PLS1: variants seen among roughly 807,000 people sequenced by gnomAD.
PLS1 encodes plastin 1, also known as plastin-1.
A neutral mutation model predicts 73.7 loss-of-function variants in PLS1; 32 were observed. The ratio of observed to expected loss-of-function variants is 0.43; its 90% CI spans 0.33 to 0.58. PLS1 has a LOEUF of 0.58. Ranked by LOEUF, PLS1 falls within the 20% of genes least tolerant of loss-of-function variation. The probability of loss-of-function intolerance (pLI) is 0.04; values close to 1 mark genes in which losing one functional copy is unlikely to be tolerated. For missense variants in PLS1, 633 were observed against 740.5 expected, an observed-to-expected ratio of 0.85 and a Z score of 1.68; for synonymous variants, 217 against 261.3, an observed-to-expected ratio of 0.83 and a Z score of 1.63.
In PLS1 at chr3:142,689,761, C is replaced by T. The variant is rs761991917; in HGVS notation, c.1125C>T (p.Tyr375=). The change falls in exon 10 of 16, where the codon TAC becomes TAT. Residue 375 remains tyrosine (Y), a synonymous_variant. Coordinates refer to ENST00000457734, the MANE Select transcript of PLS1 (RefSeq NM_001145319.2). ...TTGTAGCTAATTTGTTTAACACATA[C>T]CCGTGCCTGCACAAGCCGAATAATA... ...LAFVANLFNT[Y]PCLHKPNNND... is the part of the protein sequence containing the mutation. The T allele has an allele frequency of 6.2e-7, 1 of 1,608,076 alleles. No individual in the cohort carries two copies. The highest frequency in any genetic ancestry group is 1.1e-5 in the South Asian group (1 of 90,002).
Position 142,684,190 on chromosome 3 carries a change from T to C in PLS1, c.745+19T>C. 2 of 1,613,876 alleles carry C rather than the reference T, an allele frequency of 1.2e-6. No homozygotes were observed. Among genetic ancestry groups the C allele is most frequent in the East Asian group, 4.5e-5 (2 of 44,888 alleles). On this transcript the variant is annotated intron_variant, in intron 7 of 15. Transcript: ENST00000457734. ...AATGAAGGTAAGATCATTAGAAATA[T>C]TTGCTGTTCATTGACATGTACTTGC...
chr3:142,621,057 C>T (rs979706757), intron 1 of PLS1, among the ~76,000 whole-genome samples: 2 of 152,074 alleles, frequency 1.3e-5, no homozygotes, highest in East Asian at 1.9e-4. Context: ...ACAAGAACTG[C>T]ACCATACACT....
rs1046773419 is a variant in PLS1 at position 142,711,781 on chromosome 3, T to C, written c.1755-91T>C. The C allele has an allele frequency of 3.4e-6, 5 of 1,462,844 alleles. No individual in the cohort carries two copies. The Admixed American group carries it at 9.1e-5, about 27-fold the overall frequency. The allele number at this position is 1,462,844 out of a possible 1,614,324, so 90.6% of individuals were successfully genotyped here. On this transcript the variant is annotated intron_variant, in intron 15 of 15. Coordinates refer to ENST00000457734, the MANE Select transcript of PLS1 (RefSeq NM_001145319.2). ...CACAAACTTAACCTTTTCGTAAAAC[T>C]AATCTTGTCAAAATATTTCACTCTT...
chr3:142,616,922 C>T (rs1303092601), intron 1 of PLS1, among the ~76,000 whole-genome samples: 1 of 151,976 alleles, frequency 6.6e-6, no homozygotes, highest in Non-Finnish European at 1.5e-5. Flanking sequence ...TTATTTATGT[C>T]CTTCATATTC....
chr3:142,601,825 T>C (rs941996495), intron 1 of PLS1, among the ~76,000 whole-genome samples: 2 of 152,180 alleles, frequency 1.3e-5, no homozygotes, highest in African/African-American at 4.8e-5. Context: ...CCTACCCTCA[T>C]TTTCTAGATG....
intron 1 of PLS1, among the ~76,000 whole-genome samples, chr3:142,621,791 G>A (rs910181147): frequency 6.6e-6 from 1 of 151,504 alleles, no homozygotes; most frequent in African/African-American, 2.5e-5. Context: ...CAGATAATTG[G>A]TTTTTCCTGT....
At chr3:142,635,488 A>C (rs1278042624) in intron 1 of PLS1, among the ~76,000 whole-genome samples, 2 of 151,758 alleles carry the variant, frequency 1.3e-5, no homozygotes, top group African/African-American at 4.8e-5. Context: ...CTGCAGTCCC[A>C]GCTACTCAGG....
intron 4 of PLS1, 139 bp from the exon 5 acceptor site, chr3:142,676,018 A>T: frequency 1.4e-6 from 1 of 702,080 alleles, no homozygotes; most frequent in Non-Finnish European, 2.3e-6. Flanking sequence ...GTGTTTTAGT[A>T]GATTTGTAAT....
chr3:142,678,893 T>C (rs1342122561), intron 6 of PLS1, among the ~76,000 whole-genome samples: 1 of 151,996 alleles, frequency 6.6e-6, no homozygotes, highest in Non-Finnish European at 1.5e-5. Flanking sequence ...CCACCAACAG[T>C]GTAAAAGTGT....
intron 1 of PLS1, among the ~76,000 whole-genome samples, chr3:142,660,134 C>G (rs986227516): frequency 1.3e-5 from 2 of 152,016 alleles, no homozygotes; most frequent in African/African-American, 4.8e-5. Context: ...AATCTAAAAC[C>G]CTTCTTAGAA....
chr3:142,686,040 G>T lies in PLS1; in HGVS notation c.889-244G>T, dbSNP rs114136463. On this transcript the variant is annotated intron_variant, in intron 8 of 15. Transcript: ENST00000457734. ...GTGTGTAAACAGATGGAAAAGTAAG[G>T]GAGGGTATCCAGGTGCAGGAAACAG... is the stretch of plus-strand genomic sequence containing the variant. Among the ~76,000 whole-genome samples, 99 of 152,266 alleles carry T rather than the reference G, an allele frequency of 6.5e-4. 2 individuals carry two copies. Among genetic ancestry groups the T allele is most frequent in the African/African-American group, 2.3e-3 (95 of 41,550 alleles).
chr3:142,698,113 G>T, intron 12 of PLS1, 46 bp downstream of exon 12: 1 of 1,107,026 alleles, frequency 9.0e-7, no homozygotes, highest in South Asian at 1.3e-5. Context: ...GTTCTGATAT[G>T]AAACAAAGAA....
intron 1 of PLS1, among the ~76,000 whole-genome samples, chr3:142,649,228 T>C (rs905985091): frequency 6.7e-6 from 1 of 149,894 alleles, no homozygotes; most frequent in Non-Finnish European, 1.5e-5. Context: ...TAGTCCCAGC[T>C]ACTCGGGAGG....
intron 10 of PLS1, among the ~76,000 whole-genome samples, chr3:142,690,824 C>T (rs1009863104): frequency 6.6e-6 from 1 of 151,892 alleles, no homozygotes; most frequent in African/African-American, 2.4e-5. Flanking sequence ...TCTTTTTTTC[C>T]CACTCTCATA....
intron 4 of PLS1, among the ~76,000 whole-genome samples, chr3:142,671,884 T>C (rs1409233391): frequency 6.6e-6 from 1 of 152,204 alleles, no homozygotes; most frequent in African/African-American, 2.4e-5. Flanking sequence ...CTAATTGGAT[T>C]TTCCTCTAGC....
rs544884149 is a variant in PLS1, at chr3:142,682,296, G to A, written c.580-1710G>A. Reference sequence around the variant, plus strand: ...AGAGTTAATGGGTCTTTTAGGTAGCGCCTGCAGTGAAAAATCAGACCTTTT... The same window carrying A: ...AGAGTTAATGGGTCTTTTAGGTAGCACCTGCAGTGAAAAATCAGACCTTTT... On this transcript the variant is annotated intron_variant, in intron 6 of 15. Transcript: ENST00000457734. 4.6e-5 allele frequency among the ~76,000 whole-genome samples: 7 copies of A among 152,240 alleles called. No individual in the cohort carries two copies. In the East Asian group the frequency reaches 9.6e-4, roughly 21 times the overall value.
intron 1 of PLS1, among the ~76,000 whole-genome samples, chr3:142,617,107 A>C (rs2036229187): frequency 6.6e-6 from 1 of 152,132 alleles, no homozygotes; most frequent in South Asian, 2.1e-4. Flanking sequence ...TTTTAAGGTT[A>C]AAAAAGGGAT....
At chr3:142,640,870 A>G (rs992931585) in intron 1 of PLS1, among the ~76,000 whole-genome samples, 1 of 152,024 alleles carries the variant, frequency 6.6e-6, no homozygotes, top group Non-Finnish European at 1.5e-5. Flanking sequence ...TTAAGTGTGA[A>G]TCTTCACTTT....
At position 142,601,136 on chromosome 3, in the gene PLS1, A is replaced by G. The variant is rs370734816; in HGVS notation, c.-37+4627A>G. ...GAGACGGGGTTTCACTGTGTTAGCC[A>G]GGATGGTCTCGATCTCCTGACCTCG... is the stretch of plus-strand genomic sequence containing the variant. On this transcript the variant is annotated intron_variant, in intron 1 of 15. Coordinates refer to ENST00000457734, the MANE Select transcript of PLS1 (RefSeq NM_001145319.2). Among the ~76,000 whole-genome samples the G allele has an allele frequency of 2.1e-4, 32 of 149,964 alleles. No homozygotes were observed. In the East Asian group the frequency reaches 5.1e-3, roughly 24 times the overall value.
Sources: allele counts gnomAD v4.1 joint callset (sites outside exome capture counted in the v4.1 genomes callset), GRCh38; gene constraint gnomAD v4.1.1; transcripts MANE v1.5; gene names NCBI Gene and HGNC (gene_info 2026-07-23, HGNC 2026-07-21).